The following CSF1R variants were observed in gnomAD, a reference collection of about 807,000 sequenced individuals.
CSF1R encodes macrophage colony-stimulating factor 1 receptor.
In CSF1R, 40 loss-of-function variants were observed where a neutral mutation model predicts 110.0. That is an observed-to-expected ratio of 0.36 (90% CI 0.28 to 0.47). The LOEUF (loss-of-function observed/expected upper bound fraction) is 0.47. Among genes scored for constraint, CSF1R ranks in the 20% least tolerant of loss-of-function variants. The pLI, the probability that CSF1R is intolerant of heterozygous loss-of-function variation, is 0.99. For synonymous variants in CSF1R, 523 were observed against 503.4 expected (o/e 1.04, Z -0.52); for missense variants, 1,052 against 1,253.0 (o/e 0.84, Z 2.42).
chr5:150,086,358 C>A lies in CSF1R; in HGVS notation c.49+21G>T, dbSNP rs1294535979. On this transcript the variant is annotated intron_variant, in intron 1 of 20. Transcript: ENST00000675795. ...TCCATCACACCCCAACAAAGTCCCC[C>A]ACCCCCCGTTCTGCTCTTACCATGC... The A allele has an allele frequency of 1.9e-6, 3 of 1,592,750 alleles. No homozygotes were observed. In the African/African-American group the frequency reaches 4.0e-5, roughly 21 times the overall value.
chr5:150,065,501 G>T (rs887600023), intron 10 of CSF1R, among the ~76,000 whole-genome samples: 1 of 152,218 alleles, frequency 6.6e-6, no homozygotes, highest in African/African-American at 2.4e-5. Flanking sequence ...CAGCCCTGAG[G>T]CAGAACAAAC....
chr5:150,087,050 T>C (rs1009591362), upstream of CSF1R, among the ~76,000 whole-genome samples: 2 of 152,202 alleles, frequency 1.3e-5, no homozygotes, highest in Non-Finnish European at 2.9e-5. Flanking sequence ...CGATCATAGC[T>C]CACTGCAGCC....
At chr5:150,084,624 T>A (rs1318387662) in intron 1 of CSF1R, among the ~76,000 whole-genome samples, 1 of 151,696 alleles carries the variant, frequency 6.6e-6, no homozygotes, top group Non-Finnish European at 1.5e-5. Flanking sequence ...GGCTAATTTT[T>A]GTATTTTTTA....
chr5:150,086,204 C>T (rs1297711377), intron 1 of CSF1R, among the ~76,000 whole-genome samples, 175 bp downstream of exon 1: 3 of 152,162 alleles, frequency 2.0e-5, no homozygotes, highest in Admixed American at 1.3e-4. Context: ...CCACCACACC[C>T]ATCTCTTTTC....
At chr5:150,076,107 C>T (rs1324342341) in intron 5 of CSF1R, among the ~76,000 whole-genome samples, 3 of 152,224 alleles carry the variant, frequency 2.0e-5, no homozygotes, top group Non-Finnish European at 4.4e-5. Context: ...ACCCAATCAC[C>T]ATAGCCAGAG....
rs202216061 is a variant in CSF1R at position 150,054,324 on chromosome 5, G to A, written c.2761C>T (p.Arg921Trp). ...ACCCCAAGCCTCACCCCACTCACCC[G>A]CTCTCTCCTGTCCTCTTGGGCCTGC... ...QEQAQEDRRE[R>W]DYTNLPSSSR... Residue 921 changes from arginine to tryptophan, a missense_variant and splice_region_variant, in exon 20 of 21, where the codon CGG (arginine) becomes TGG (tryptophan). Around this residue, in one of 5 missense-constraint regions of CSF1R, gnomAD observed 85 missense variants for 78.8 expected, o/e 1.08. Coordinates refer to ENST00000675795, the MANE Select transcript of CSF1R (RefSeq NM_001288705.3). 1.1e-4 allele frequency: 182 copies of A among 1,613,988 alleles called. No individual in the cohort carries two copies. Among genetic ancestry groups the A allele is most frequent in the Admixed American group, 3.2e-4 (19 of 59,994 alleles).
At chr5:150,060,178 T>A (rs1428509481) in intron 13 of CSF1R, among the ~76,000 whole-genome samples, 1 of 151,578 alleles carries the variant, frequency 6.6e-6, no homozygotes, top group African/African-American at 2.4e-5. Flanking sequence ...TACAAAAAAA[T>A]CAGCCGGGCA....
chr5:150,084,441 AG>A (rs1758734431), intron 1 of CSF1R, among the ~76,000 whole-genome samples: 1 of 65,484 alleles, frequency 1.5e-5, no homozygotes, highest in African/African-American at 9.2e-5. Flanking sequence ...GAAGGAAGGA[AG>A]GAAGGAAGGA....
upstream of CSF1R, among the ~76,000 whole-genome samples, chr5:150,089,396 C>T (rs752744125): frequency 4.6e-5 from 7 of 152,178 alleles, no homozygotes; most frequent in Admixed American, 1.3e-4. Flanking sequence ...GATCAACATA[C>T]GTAACTCTAT....
chr5:150,077,536 C>T lies in CSF1R; in HGVS notation c.730-101G>A, dbSNP rs1386329215. On this transcript the variant is annotated intron_variant, in intron 4 of 20. Coordinates refer to ENST00000675795, the MANE Select transcript of CSF1R (RefSeq NM_001288705.3). Reference sequence around the variant, plus strand: ...CTTTAAGGATTACTATCTGCCTTTCCTCTGAGCCTGTTGCTTCACTTGTAA... The same window carrying T: ...CTTTAAGGATTACTATCTGCCTTTCTTCTGAGCCTGTTGCTTCACTTGTAA... The T allele has an allele frequency of 1.0e-5, 13 of 1,293,832 alleles. No individual in the cohort carries two copies. The African/African-American group carries it at 1.6e-4, about 16-fold the overall frequency. The allele number at this position is 1,293,832 out of a possible 1,614,324, so 80.1% of individuals were successfully genotyped here.
chr5:150,100,014 G>A (rs1759351753), intron 1 of CSF1R, among the ~76,000 whole-genome samples: 1 of 152,156 alleles, frequency 6.6e-6, no homozygotes. Flanking sequence ...ACAGTTTGAT[G>A]TTGGCTCACA....
At chr5:150,055,935 T>C (rs1235673650) in intron 18 of CSF1R, 91 bp downstream of exon 18, 1 of 1,178,074 alleles carries the variant, frequency 8.5e-7, no homozygotes, top group African/African-American at 1.5e-5. Flanking sequence ...CAACCCTCGC[T>C]GTGTCCTGGG....
chr5:150,079,960 A>G, intron 3 of CSF1R, 92 bp downstream of exon 3: 2 of 1,466,354 alleles, frequency 1.4e-6, no homozygotes, highest in Non-Finnish European at 1.9e-6. Flanking sequence ...ACTGCCCCCC[A>G]TCACACCCAG....
intron 12 of CSF1R, 21 bp from the exon 13 acceptor site, chr5:150,060,993 C>A (rs747291586): frequency 6.5e-7 from 1 of 1,546,446 alleles, no homozygotes; most frequent in East Asian, 2.3e-5. Context: ...GAACCACAGT[C>A]CCAAAGACAG....
At chr5:150,069,762 A>T in intron 9 of CSF1R, 111 bp downstream of exon 9, 4 of 1,023,428 alleles carry the variant, frequency 3.9e-6, no homozygotes, top group Non-Finnish European at 5.5e-6. Context: ...TCTGCTCCAA[A>T]GGTGGAGCCA....
chr5:150,080,416 A>C, intron 2 of CSF1R, 80 bp from the exon 3 acceptor site: 1 of 1,520,286 alleles, frequency 6.6e-7, no homozygotes, highest in Non-Finnish European at 8.9e-7. Context: ...GTGACAAGGA[A>C]GCTCAGAGAG....
chr5:150,072,373 A>G (rs988944041), intron 6 of CSF1R, among the ~76,000 whole-genome samples: 5 of 152,292 alleles, frequency 3.3e-5, no homozygotes, highest in Admixed American at 6.5e-5. Context: ...GGGCATCTGT[A>G]ATCCCAGCTA....
In CSF1R at chr5:150,080,925, C is replaced by A. The variant is rs1561940695; in HGVS notation, c.149G>T (p.Trp50Leu). 1 of 1,614,190 alleles carries A rather than the reference C, an allele frequency of 6.2e-7. No individual in the cohort carries two copies. The highest frequency in any genetic ancestry group is 1.3e-5 in the African/African-American group (1 of 75,050). ...LRCVGNGSVE[W>L]DGPPSPHWTL... ...CCAGTGAGGTGATGGGGGGCCATCC[C>A]ATTCCACGCTGCCATTGCCCACACA... The change falls in exon 2 of 21, where the codon TGG becomes TTG. Residue 50 changes from tryptophan (W) to leucine (L), a missense_variant. This residue lies in a region of CSF1R where 693 missense variants were observed against 735.4 expected (regional missense o/e 0.94). Coordinates refer to ENST00000675795, the MANE Select transcript of CSF1R (RefSeq NM_001288705.3).
At chr5:150,085,208 G>A (rs1223158811) in intron 1 of CSF1R, among the ~76,000 whole-genome samples, 2 of 149,216 alleles carry the variant, frequency 1.3e-5, no homozygotes, top group Non-Finnish European at 3.0e-5. Flanking sequence ...CCCGGGAGGT[G>A]GAGGTTGCAG....
Sources: gnomAD v4.1 joint callset for allele counts (sites outside exome capture counted in the v4.1 genomes callset) on GRCh38, gnomAD v4.1.1 for gene constraint, gnomAD v4.1.1 regional missense constraint, MANE v1.5 for transcripts, NCBI Gene and HGNC (gene_info 2026-07-23, HGNC 2026-07-21) for gene names.